Variants in VPS16 observed in about 807,000 individuals in gnomAD.
VPS16 encodes the protein vacuolar protein sorting-associated protein 16 homolog.
A neutral mutation model predicts 116.0 loss-of-function variants in VPS16; 82 were observed. The observed-to-expected ratio is 0.71, with a 90% confidence interval of 0.59 to 0.85. The LOEUF (loss-of-function observed/expected upper bound fraction) is 0.85, where lower values mean the gene tolerates loss of function less well. VPS16 is among the 40% of genes least tolerant of loss of function. VPS16 has a pLI of 0.00. For synonymous variants in VPS16, 406 were observed against 420.7 expected, an observed-to-expected ratio of 0.96 and a Z score of 0.43; for missense variants, 928 against 1,090.6, an observed-to-expected ratio of 0.85 and a Z score of 2.10.
At chr20:2,861,408 A>T in intron 8 of VPS16, 128 bp downstream of exon 8, 1 of 1,470,930 alleles carries the variant, frequency 6.8e-7, no homozygotes, top group Non-Finnish European at 9.4e-7. Context: ...CTTCTCTGCC[A>T]TTGCACACTT....
Position 2,864,048 on chromosome 20 carries a change from G to C in VPS16, c.1576G>C (p.Ala526Pro). The C allele has an allele frequency of 2.5e-6, 4 of 1,614,196 alleles. No individual in the cohort carries two copies. Among genetic ancestry groups the C allele is most frequent in the Non-Finnish European group, 3.4e-6 (4 of 1,180,020 alleles). The change falls in exon 16 of 24, where the codon GCC becomes CCC. Residue 526 changes from alanine to proline, a missense_variant. Transcript: ENST00000380445. This position sits in a 1 kb window ranked among gnomAD's most constrained non-coding sequence, Gnocchi z 5.2. ...GVSYSDIAAR[A>P]YGCGRTELAI... The stretch of plus-strand genomic sequence containing the variant: ...CTCTTACTCCGACATTGCTGCACGA[G>C]CCTATGGTTGTGGCCGCACGGAGCT...
Position 2,862,053 on chromosome 20 carries a change from G to A in VPS16, c.995-1G>A. On this transcript the variant is annotated splice_acceptor_variant, in intron 10 of 23. Transcript: ENST00000380445. LOFTEE classifies it high-confidence loss of function. ...CCTCACTCACCAACTCCCTTCCCCAGCGGCCAGCGAGGAAATCTTCAAAAT... is the reference window on the plus strand; with the variant it reads ...CCTCACTCACCAACTCCCTTCCCCAACGGCCAGCGAGGAAATCTTCAAAAT... 1 of 1,613,744 alleles carries A rather than the reference G, an allele frequency of 6.2e-7. No individual in the cohort carries two copies. Among genetic ancestry groups the A allele is most frequent in the Non-Finnish European group, 8.5e-7 (1 of 1,179,912 alleles).
Position 2,864,854 on chromosome 20 carries a change from C to A in VPS16, c.1927-124C>A. 7.6e-7 allele frequency: 1 copy of A among 1,323,962 alleles called. No homozygotes were observed. The highest frequency in any genetic ancestry group is 1.1e-6 in the Non-Finnish European group (1 of 936,064). The allele number at this position is 1,323,962 out of a possible 1,614,324, so 82.0% of individuals were successfully genotyped here. Reference sequence around the variant, plus strand: ...CCCTCTAGGACATCAGAGTGGTGCACCTAGCAGGCAAGGCTGACCCTGGCG... The same window carrying A: ...CCCTCTAGGACATCAGAGTGGTGCAACTAGCAGGCAAGGCTGACCCTGGCG... On this transcript the variant is annotated intron_variant, in intron 19 of 23. Coordinates refer to ENST00000380445, the MANE Select transcript of VPS16 (RefSeq NM_022575.4). This position sits in a 1 kb window ranked among gnomAD's most constrained non-coding sequence, Gnocchi z 5.2.
chr20:2,855,772 A>G (rs1485980205), intron 1 of VPS16, among the ~76,000 whole-genome samples: 6 of 152,204 alleles, frequency 3.9e-5, no homozygotes, highest in Admixed American at 1.3e-4. Flanking sequence ...ACCTCTGCTA[A>G]TTTCAAACTT....
In VPS16 at chr20:2,860,446, C is replaced by T; in HGVS notation, c.370-3C>T. On this transcript the variant is annotated splice_polypyrimidine_tract_variant and splice_region_variant and intron_variant, in intron 4 of 23. Transcript: ENST00000380445. The surrounding 1 kb of genome is among the most constrained non-coding windows in gnomAD (Gnocchi z 6.1). The stretch of plus-strand genomic sequence containing the variant: ...CCCTTAACCCATGGCCCCCTTTCCT[C>T]AGGAAGTGCTCCAGAACCGGGTTCT... 5.0e-6 allele frequency: 8 copies of T among 1,614,022 alleles called. No homozygotes were observed. Among genetic ancestry groups the T allele is most frequent in the Non-Finnish European group, 6.8e-6 (8 of 1,179,996 alleles).
chr20:2,843,751 G>T (rs2089032226), intron 1 of VPS16, among the ~76,000 whole-genome samples: 1 of 152,192 alleles, frequency 6.6e-6, no homozygotes, highest in South Asian at 2.1e-4. Context: ...TCTTTGCTTT[G>T]TTGACATGTT....
Position 2,840,751 on chromosome 20 carries a change from T to C in VPS16, c.-24T>C. 4 of 1,547,782 alleles carry C rather than the reference T, an allele frequency of 2.6e-6. No individual in the cohort carries two copies. The highest frequency in any genetic ancestry group is 3.5e-6 in the Non-Finnish European group (4 of 1,146,380). On this transcript the variant is annotated 5_prime_UTR_variant, in exon 1 of 24. Coordinates refer to ENST00000380445, the MANE Select transcript of VPS16 (RefSeq NM_022575.4). ...TCTAGGTGGGTGTCCCCTCGGTGCTTCCCAGCTGCCGTCTGCACCAGCCAT... is the reference window on the plus strand; with the variant it reads ...TCTAGGTGGGTGTCCCCTCGGTGCTCCCCAGCTGCCGTCTGCACCAGCCAT...
intron 10 of VPS16, 37 bp downstream of exon 10, chr20:2,861,936 G>C (rs199562617): frequency 1.2e-6 from 2 of 1,609,438 alleles, no homozygotes; most frequent in African/African-American, 1.3e-5. Flanking sequence ...AACCCAAGGT[G>C]GGGACTCCTC....
At chr20:2,855,981 CT>C (rs2089168038) in intron 1 of VPS16, among the ~76,000 whole-genome samples, 1 of 152,174 alleles carries the variant, frequency 6.6e-6, no homozygotes, top group Non-Finnish European at 1.5e-5. Context: ...CCTTCAAGAA[CT>C]TTTCCTTTGC....
intron 1 of VPS16, among the ~76,000 whole-genome samples, chr20:2,848,906 G>T (rs1279560630): frequency 6.6e-6 from 1 of 152,170 alleles, no homozygotes; most frequent in East Asian, 1.9e-4. Flanking sequence ...TAATCAACTT[G>T]TAGGCTGGTT....
chr20:2,860,953 C>T lies in VPS16; in HGVS notation c.631-17C>T, dbSNP rs2089221326. ...TCAGTATGTATCTGTCCCACCCCTA[C>T]CCTGGCTCTGCCTCAGACGCCCCCT... On this transcript the variant is annotated splice_polypyrimidine_tract_variant and intron_variant, in intron 6 of 23. Coordinates refer to ENST00000380445, the MANE Select transcript of VPS16 (RefSeq NM_022575.4). The surrounding 1 kb of genome is among the most constrained non-coding windows in gnomAD (Gnocchi z 6.1). 1 of 1,614,128 alleles carries T rather than the reference C, an allele frequency of 6.2e-7. No homozygotes were observed. Among genetic ancestry groups the T allele is most frequent in the African/African-American group, 1.3e-5 (1 of 75,046 alleles).
intron 1 of VPS16, among the ~76,000 whole-genome samples, chr20:2,851,720 A>G (rs1302023273): frequency 6.6e-6 from 1 of 151,816 alleles, no homozygotes; most frequent in Non-Finnish European, 1.5e-5. Flanking sequence ...CTGTAATCCC[A>G]ACACTTTGGG....
chr20:2,865,370 C>T lies in VPS16; in HGVS notation c.2175-29C>T. On this transcript the variant is annotated intron_variant, in intron 21 of 23. Transcript: ENST00000380445. This position sits in a 1 kb window ranked among gnomAD's most constrained non-coding sequence, Gnocchi z 5.2. The stretch of plus-strand genomic sequence containing the variant: ...GTCCCAGGACCACCTGCCTCTCCTG[C>T]AACACCTCCAAGCCCAGCTTTCCTG... 1 of 1,613,842 alleles carries T rather than the reference C, an allele frequency of 6.2e-7. No homozygotes were observed. Among genetic ancestry groups the T allele is most frequent in the Non-Finnish European group, 8.5e-7 (1 of 1,179,796 alleles).
Position 2,841,178 on chromosome 20 carries a change from G to C in VPS16, c.53+351G>C, listed in dbSNP as rs533211692. On this transcript the variant is annotated intron_variant, in intron 1 of 23. Transcript: ENST00000380445. ...AAGTCAGACCACAGGGGCGCTCCGA[G>C]GGGGGCGGGATCGCACGGCGGGCGG... The C allele has an allele frequency of 8.9e-6, 3 of 338,222 alleles. No individual in the cohort carries two copies. In the East Asian group the frequency reaches 2.1e-4, roughly 24 times the overall value. 21.0% of individuals were successfully genotyped at this position (338,222 alleles called of 1,614,324 possible).
rs2089333654 is a variant in VPS16, at chr20:2,865,939, G to A, written c.2272-273G>A. 2.0e-6 allele frequency: 1 copy of A among 510,922 alleles called. No homozygotes were observed. The highest frequency in any genetic ancestry group is 3.5e-6 in the Non-Finnish European group (1 of 283,030). The allele number at this position is 510,922 out of a possible 1,614,324, so 31.6% of individuals were successfully genotyped here. Reference sequence around the variant, plus strand: ...AAATGTGAGGGCTGGTGGCAGGAACGCCTGTTGCAAGGGGTAATGGTGGGT... The same window carrying A: ...AAATGTGAGGGCTGGTGGCAGGAACACCTGTTGCAAGGGGTAATGGTGGGT... On this transcript the variant is annotated intron_variant, in intron 22 of 23. Coordinates refer to ENST00000380445, the MANE Select transcript of VPS16 (RefSeq NM_022575.4). The surrounding 1 kb of genome is among the most constrained non-coding windows in gnomAD (Gnocchi z 5.2).
chr20:2,842,921 A>G (rs190043182), intron 1 of VPS16, among the ~76,000 whole-genome samples: 3 of 5,952 alleles, frequency 5.0e-4, no homozygotes, highest in Admixed American at 1.1e-3. Flanking sequence ...ATGGATTGCA[A>G]GTAAAGATCA....
intron 1 of VPS16, among the ~76,000 whole-genome samples, chr20:2,857,257 G>A (rs958256410): frequency 1.2e-4 from 18 of 152,190 alleles, no homozygotes; most frequent in Admixed American, 3.3e-4. Context: ...GATTATAGGC[G>A]TGAGCCACTG....
chr20:2,849,796 C>A (rs1016998587), intron 1 of VPS16, among the ~76,000 whole-genome samples: 2 of 152,202 alleles, frequency 1.3e-5, no homozygotes, highest in African/African-American at 4.8e-5. Flanking sequence ...AGAAGTCACT[C>A]CTACAGCACA....
rs1258781178 is a variant in VPS16 at position 2,865,306 on chromosome 20, C to G, written c.2163C>G (p.Ile721Met). The G allele has an allele frequency of 6.2e-7, 1 of 1,614,170 alleles. No individual in the cohort carries two copies. Among genetic ancestry groups the G allele is most frequent in the Middle Eastern group, 1.7e-4 (1 of 6,060 alleles). Reference protein sequence around the residue: ...RAEQLARDFRIPDKRLWWLKL... With the variant: ...RAEQLARDFRMPDKRLWWLKL... ...AGCAGCTGGCACGTGACTTCCGCATCCCTGACAAGAGGTAGGTGAGGGCCC... is the reference window on the plus strand; with the variant it reads ...AGCAGCTGGCACGTGACTTCCGCATGCCTGACAAGAGGTAGGTGAGGGCCC... The change falls in exon 21 of 24, where the codon ATC becomes ATG. Residue 721 changes from isoleucine (I) to methionine (M), a missense_variant. Coordinates refer to ENST00000380445, the MANE Select transcript of VPS16 (RefSeq NM_022575.4). This position sits in a 1 kb window ranked among gnomAD's most constrained non-coding sequence, Gnocchi z 5.2.
Sources: gnomAD v4.1 joint callset for allele counts (sites outside exome capture counted in the v4.1 genomes callset) on GRCh38, gnomAD v4.1.1 for gene constraint, Gnocchi (gnomAD v3.1) non-coding constraint, MANE v1.5 for transcripts, NCBI Gene and HGNC (gene_info 2026-07-23, HGNC 2026-07-21) for gene names.